The following PPP2R3C variants were observed in gnomAD, a reference collection of about 807,000 sequenced individuals.
PPP2R3C encodes the protein serine/threonine-protein phosphatase 2A regulatory subunit B'' subunit gamma.
A neutral mutation model predicts 63.7 loss-of-function variants in PPP2R3C; 47 were observed. The ratio of observed to expected loss-of-function variants is 0.74; its 90% CI spans 0.58 to 0.94. The LOEUF (loss-of-function observed/expected upper bound fraction) is 0.94, where lower values mean the gene tolerates loss of function less well. Ranked by LOEUF, PPP2R3C falls within the 40% of genes least tolerant of loss-of-function variation. The pLI is 0.00. For synonymous variants in PPP2R3C, 180 were observed against 177.4 expected (o/e 1.01, Z -0.12); for missense variants, 421 against 518.4 (o/e 0.81, Z 1.82).
At chr14:35,090,865 A>G (rs1031784621) in intron 11 of PPP2R3C, among the ~76,000 whole-genome samples, 5 of 151,936 alleles carry the variant, frequency 3.3e-5, no homozygotes, top group African/African-American at 7.3e-5. Context: ...ACAGGCACCC[A>G]CCACCACACC....
intron 1 of PPP2R3C, among the ~76,000 whole-genome samples, chr14:35,121,295 T>A (rs1267095504): frequency 2.0e-5 from 3 of 152,046 alleles, no homozygotes; most frequent in African/African-American, 7.2e-5. Context: ...AAGAACCGCT[T>A]GAACCCGGGA....
rs762709649 is a variant in PPP2R3C at position 35,085,563 on chromosome 14, ATAT to A, written c.*24_*26del. 155 of 1,561,942 alleles carry A rather than the reference ATAT, an allele frequency of 9.9e-5. No individual in the cohort carries two copies. The highest frequency in any genetic ancestry group is 5.1e-4 in the Middle Eastern group (3 of 5,874). ...ACATGCAGCATTCAAGTATCTCATAATATAAGACAGTCTAGTCTTTCAGAGATC... is the reference window on the plus strand; with the variant it reads ...ACATGCAGCATTCAAGTATCTCATAAAAGACAGTCTAGTCTTTCAGAGATC... On this transcript the variant is annotated 3_prime_UTR_variant, in exon 13 of 13. Transcript: ENST00000261475.
intron 2 of PPP2R3C, among the ~76,000 whole-genome samples, chr14:35,116,026 T>C (rs1438822093): frequency 2.0e-5 from 3 of 152,086 alleles, no homozygotes; most frequent in Non-Finnish European, 2.9e-5. Flanking sequence ...CATAATCCAA[T>C]AGAATACTTA....
intron 9 of PPP2R3C, 46 bp downstream of exon 9, chr14:35,096,512 C>G: frequency 6.5e-7 from 1 of 1,550,072 alleles, no homozygotes; most frequent in African/African-American, 1.4e-5. Context: ...CACCAATTTC[C>G]TGAAGAATGG....
At chr14:35,087,857 G>T in intron 12 of PPP2R3C, 94 bp downstream of exon 12, 1 of 935,922 alleles carries the variant, frequency 1.1e-6, no homozygotes, top group Non-Finnish European at 1.7e-6. Context: ...GATTCAAATA[G>T]TACTTCATTA....
intron 1 of PPP2R3C, among the ~76,000 whole-genome samples, chr14:35,117,949 C>T (rs1157862687): frequency 1.3e-5 from 2 of 152,168 alleles, no homozygotes; most frequent in Non-Finnish European, 2.9e-5. Flanking sequence ...CCACCTCGGC[C>T]TCCCAAAGTG....
chr14:35,119,632 G>A (rs914285086), intron 1 of PPP2R3C, among the ~76,000 whole-genome samples: 1 of 151,790 alleles, frequency 6.6e-6, no homozygotes, highest in African/African-American at 2.4e-5. Context: ...ATGAGCCACC[G>A]AGCCTCCCAA....
At position 35,097,482 on chromosome 14, in the gene PPP2R3C, C is replaced by CTT. The variant is rs988302767; in HGVS notation, c.707-720_707-719dup. ...GAGTTTGTTTTGTCTTGTTCTTGTT[C>CTT]TTTTTTTTTTTTTTTTTGAGACAGA... is the stretch of plus-strand genomic sequence containing the variant. On this transcript the variant is annotated intron_variant, in intron 7 of 12. Coordinates refer to ENST00000261475, the MANE Select transcript of PPP2R3C (RefSeq NM_017917.4). Among the ~76,000 whole-genome samples the CTT allele has an allele frequency of 1.8e-3, 241 of 133,754 alleles. 4 individuals carry two copies. Among genetic ancestry groups the CTT allele is most frequent in the African/African-American group, 2.9e-3 (106 of 36,500 alleles). The allele number at this position is 133,754 out of a possible 152,430, so 87.7% of individuals were successfully genotyped here.
At chr14:35,111,358 G>T (rs965243590) in intron 2 of PPP2R3C, among the ~76,000 whole-genome samples, 1 of 151,942 alleles carries the variant, frequency 6.6e-6, no homozygotes, top group African/African-American at 2.4e-5. Context: ...CAGTGAAAGA[G>T]ATCTGACCTA....
Position 35,095,176 on chromosome 14 carries a change from A to G in PPP2R3C, c.847T>C (p.Leu283=). 3 of 1,613,320 alleles carry G rather than the reference A, an allele frequency of 1.9e-6. No homozygotes were observed. Among genetic ancestry groups the G allele is most frequent in the Non-Finnish European group, 2.5e-6 (3 of 1,179,596 alleles). Residue 283 remains leucine, a synonymous_variant, in exon 10 of 13, where the codon TTG becomes CTG. Transcript: ENST00000261475. ...PSALRVYGQY[L]NLDKDHNGML... ...CCATTGTGATCTTTATCAAGATTCAAGTACTGGCCTTGGGAAGAAAAATAA... is the reference window on the plus strand; with the variant it reads ...CCATTGTGATCTTTATCAAGATTCAGGTACTGGCCTTGGGAAGAAAAATAA...
intron 9 of PPP2R3C, among the ~76,000 whole-genome samples, chr14:35,095,818 T>C (rs1447047033): frequency 4.2e-5 from 5 of 119,388 alleles, no homozygotes; most frequent in Non-Finnish European, 7.9e-5. Flanking sequence ...GCCACTGGAC[T>C]CCAGCCCAGG....
intron 1 of PPP2R3C, chr14:35,117,155 C>T (rs1257088471): frequency 4.4e-6 from 2 of 455,738 alleles, no homozygotes; most frequent in Admixed American, 2.4e-5. Flanking sequence ...GAGTTTCAGC[C>T]TCATAATCAC....
At chr14:35,109,370 A>G (rs1471644175) in intron 4 of PPP2R3C, among the ~76,000 whole-genome samples, 2 of 151,946 alleles carry the variant, frequency 1.3e-5, no homozygotes, top group African/African-American at 2.4e-5. Flanking sequence ...ATTTATTTTA[A>G]TAACTTCATA....
chr14:35,097,779 T>C (rs2046046584), intron 7 of PPP2R3C, among the ~76,000 whole-genome samples: 1 of 151,944 alleles, frequency 6.6e-6, no homozygotes, highest in Admixed American at 6.6e-5. Context: ...CCACTGCGCC[T>C]GGCTGCTGCT....
intron 4 of PPP2R3C, 81 bp from the exon 5 acceptor site, chr14:35,108,317 T>A: frequency 6.9e-7 from 1 of 1,446,258 alleles, no homozygotes; most frequent in Non-Finnish European, 9.1e-7. Flanking sequence ...AACAATGGCA[T>A]AAATTCATAC....
intron 9 of PPP2R3C, 95 bp from the exon 10 acceptor site, chr14:35,095,279 G>T: frequency 1.6e-6 from 2 of 1,265,214 alleles, no homozygotes; most frequent in South Asian, 2.8e-5. Flanking sequence ...TTAATATTTT[G>T]ATTTTCAAAC....
chr14:35,122,024 A>G, upstream of PPP2R3C: 2 of 1,576,326 alleles, frequency 1.3e-6, no homozygotes, highest in Non-Finnish European at 8.7e-7. Flanking sequence ...CTACCAGCTC[A>G]GGCGTCAGCA....
chr14:35,119,461 TCG>T (rs548403781), intron 1 of PPP2R3C, among the ~76,000 whole-genome samples: 312 of 152,170 alleles, frequency 2.1e-3, no homozygotes, highest in African/African-American at 7.2e-3. Flanking sequence ...CTTCAGCCTC[TCG>T]AGTAGCTAGG....
Position 35,109,943 on chromosome 14 carries a change from TG to T in PPP2R3C, c.292-13del. The T allele has an allele frequency of 6.5e-7, 1 of 1,541,924 alleles. No individual in the cohort carries two copies. Among genetic ancestry groups the T allele is most frequent in the Non-Finnish European group, 8.9e-7 (1 of 1,124,758 alleles). ...AAAAACCATAAGTTCTTAAGAGAAT[TG>T]TGGAAGTGAAGATGTTGTAAGTTAA... On this transcript the variant is annotated splice_polypyrimidine_tract_variant and intron_variant, in intron 3 of 12. Coordinates refer to ENST00000261475, the MANE Select transcript of PPP2R3C (RefSeq NM_017917.4).
Sources: allele counts gnomAD v4.1 joint callset (sites outside exome capture counted in the v4.1 genomes callset), GRCh38; gene constraint gnomAD v4.1.1; transcripts MANE v1.5; gene names NCBI Gene and HGNC (gene_info 2026-07-23, HGNC 2026-07-21).